The following AP3M2 variants were observed in gnomAD, a reference collection of about 807,000 sequenced individuals.
AP3M2 encodes the protein AP-3 complex subunit mu-2.
Under a neutral mutation model 41.6 loss-of-function variants are expected in AP3M2, and 28 were observed. That is an observed-to-expected ratio of 0.67 (90% confidence interval 0.50 to 0.92). AP3M2 has a LOEUF of 0.92. Ranked by LOEUF, AP3M2 falls within the 40% of genes least tolerant of loss-of-function variation. The pLI, the probability that AP3M2 is intolerant of heterozygous loss-of-function variation, is 0.00. For missense variants in AP3M2, 427 were observed against 521.4 expected (o/e 0.82, Z 1.76); for synonymous variants, 193 against 186.4 (o/e 1.04, Z -0.29).
chr8:42,157,578 CTTT>C (rs1327314638), intron 2 of AP3M2, among the ~76,000 whole-genome samples: 2 of 152,088 alleles, frequency 1.3e-5, no homozygotes, highest in Non-Finnish European at 2.9e-5. Context: ...ATGTACTGTT[CTTT>C]GTTATATCAA....
intron 2 of AP3M2, among the ~76,000 whole-genome samples, chr8:42,156,906 C>G (rs1001313185): frequency 1.3e-5 from 2 of 152,122 alleles, no homozygotes; most frequent in African/African-American, 4.8e-5. Flanking sequence ...AATTGCAGGG[C>G]TGTTATGTAC....
At chr8:42,161,428 G>T (rs1379836815) in intron 3 of AP3M2, among the ~76,000 whole-genome samples, 1 of 152,028 alleles carries the variant, frequency 6.6e-6, no homozygotes, top group Non-Finnish European at 1.5e-5. Flanking sequence ...GGCCAACATA[G>T]TGAAACCCCG....
chr8:42,157,525 A>G (rs969805096), intron 2 of AP3M2, among the ~76,000 whole-genome samples: 4 of 152,214 alleles, frequency 2.6e-5, no homozygotes, highest in Non-Finnish European at 5.9e-5. Flanking sequence ...TATTCACTGC[A>G]TGAATGTTAA....
At chr8:42,167,453 G>A in intron 7 of AP3M2, 82 bp downstream of exon 7, 6 of 1,525,070 alleles carry the variant, frequency 3.9e-6, no homozygotes, top group Non-Finnish European at 3.6e-6. Context: ...TCTAGACCTT[G>A]TTTGGAAGGT....
Position 42,158,048 on chromosome 8 carries a change from G to T in AP3M2, c.381G>T (p.Ser127=), listed in dbSNP as rs776900792. 6.2e-7 allele frequency: 1 copy of T among 1,614,028 alleles called. No individual in the cohort carries two copies. Among genetic ancestry groups the T allele is most frequent in the Non-Finnish European group, 8.5e-7 (1 of 1,179,996 alleles). Residue 127 remains serine, a synonymous_variant, in exon 3 of 9, where the codon TCG becomes TCT. Coordinates refer to ENST00000396926, the MANE Select transcript of AP3M2 (RefSeq NM_006803.4). ...LDNGFPLATE[S]NILKELIKPP... ...ATGGTTTTCCATTGGCTACCGAGTC[G>T]AACATTCTTAAAGAACTCATAAAGC...
At position 42,154,862 on chromosome 8, in the gene AP3M2, G is replaced by A. The variant is rs1211974844; in HGVS notation, c.175G>A (p.Val59Ile). The stretch of plus-strand genomic sequence containing the variant: ...TACCCCTCACCACTATCTCTTAAGT[G>A]TTTACCGCCACAAGATCTTTTTTGT... ...IPTPHHYLLSVYRHKIFFVAV... is the reference protein window; with the variant it reads ...IPTPHHYLLSIYRHKIFFVAV... Residue 59 changes from valine to isoleucine, a missense_variant, in exon 2 of 9, where the codon GTT (valine) becomes ATT (isoleucine). By Grantham distance (29) the Val-to-Ile change is conservative. This residue lies in a region of AP3M2 where 104 missense variants were observed against 93.8 expected (regional missense o/e 1.11). Coordinates refer to ENST00000396926, the MANE Select transcript of AP3M2 (RefSeq NM_006803.4). 6.2e-7 allele frequency: 1 copy of A among 1,613,066 alleles called. No individual in the cohort carries two copies. The highest frequency in any genetic ancestry group is 8.5e-7 in the Non-Finnish European group (1 of 1,179,346).
intron 6 of AP3M2, among the ~76,000 whole-genome samples, chr8:42,166,612 T>TAAAAAAAAAAAAAAAAAAAA (rs1404448805): frequency 1.9e-4 from 16 of 84,270 alleles, no homozygotes; most frequent in Middle Eastern, 6.0e-3. Flanking sequence ...AAAAAAAAAG[T>TAAAAAAAAAAAAAAAAAAAA]AAAAATTAGC....
chr8:42,156,637 T>G (rs921450664), intron 2 of AP3M2, among the ~76,000 whole-genome samples: 11 of 152,220 alleles, frequency 7.2e-5, no homozygotes, highest in African/African-American at 2.7e-4. Context: ...ATGAGAATTT[T>G]CCTCTTAAAG....
chr8:42,166,760 C>T (rs747963712), intron 6 of AP3M2, among the ~76,000 whole-genome samples: 1 of 151,414 alleles, frequency 6.6e-6, no homozygotes, highest in Admixed American at 6.6e-5. Flanking sequence ...GAGCCAGACC[C>T]TATCTCAAAA....
chr8:42,164,866 G>A (rs1292833454), intron 4 of AP3M2, among the ~76,000 whole-genome samples: 1 of 152,098 alleles, frequency 6.6e-6, no homozygotes, highest in Non-Finnish European at 1.5e-5. Flanking sequence ...ATGTGCAGTT[G>A]ATAAGTGTTC....
At chr8:42,155,930 C>T in intron 2 of AP3M2, 1 of 454,308 alleles carries the variant, frequency 2.2e-6, no homozygotes, top group East Asian at 7.0e-5. Flanking sequence ...ACTTCCCTTC[C>T]CAAGAGAATT....
Position 42,158,032 on chromosome 8 carries a change from C to T in AP3M2, c.365C>T (p.Pro122Leu), listed in dbSNP as rs1207061253. The T allele has an allele frequency of 1.9e-6, 3 of 1,614,006 alleles. No individual in the cohort carries two copies. The highest frequency in any genetic ancestry group is 2.5e-6 in the Non-Finnish European group (3 of 1,180,030). ...GAAGAGATGCTTGACAATGGTTTTC[C>T]ATTGGCTACCGAGTCGAACATTCTT... is the stretch of plus-strand genomic sequence containing the variant. ...VLEEMLDNGFPLATESNILKE... is the reference protein window; with the variant it reads ...VLEEMLDNGFLLATESNILKE... The change falls in exon 3 of 9, where the codon CCA becomes CTA. Residue 122 changes from proline (P) to leucine (L), a missense_variant. By Grantham distance (98) the Pro-to-Leu change is moderately conservative. Around this residue, in one of 3 missense-constraint regions of AP3M2, gnomAD observed 86 missense variants for 142.6 expected, o/e 0.60. Coordinates refer to ENST00000396926, the MANE Select transcript of AP3M2 (RefSeq NM_006803.4).
At chr8:42,165,222 T>C in intron 5 of AP3M2, 66 bp downstream of exon 5, 1 of 1,534,310 alleles carries the variant, frequency 6.5e-7, no homozygotes, top group Non-Finnish European at 9.0e-7. Flanking sequence ...AAAGACAGAG[T>C]AGTGGGAATG....
intron 3 of AP3M2, among the ~76,000 whole-genome samples, chr8:42,161,499 C>T (rs1433346974): frequency 1.3e-5 from 2 of 151,898 alleles, no homozygotes; most frequent in Non-Finnish European, 2.9e-5. Flanking sequence ...GTCCCAGCTA[C>T]TCGGGAGGCT....
chr8:42,155,756 T>G (rs1369137602), intron 2 of AP3M2: 1 of 225,164 alleles, frequency 4.4e-6, no homozygotes, highest in Non-Finnish European at 9.1e-6. Context: ...AGCGAGGGCC[T>G]TTTGGTTTAA....
At chr8:42,164,060 G>A (rs1804576887) in intron 4 of AP3M2, among the ~76,000 whole-genome samples, 3 of 152,168 alleles carry the variant, frequency 2.0e-5, no homozygotes, top group South Asian at 4.1e-4. Context: ...AAGGCAGGGA[G>A]CAGCTACGAG....
At chr8:42,168,447 A>G (rs1804700433) in intron 8 of AP3M2, among the ~76,000 whole-genome samples, 2 of 152,222 alleles carry the variant, frequency 1.3e-5, no homozygotes, top group African/African-American at 4.8e-5. Flanking sequence ...AACGGGCCTT[A>G]TACAATTTAA....
At chr8:42,165,292 C>G in intron 5 of AP3M2, 135 bp from the exon 6 acceptor site, 1 of 1,434,868 alleles carries the variant, frequency 7.0e-7, no homozygotes, top group Non-Finnish European at 9.6e-7. Context: ...CTTGAATTTT[C>G]TAGAAGTCAC....
rs150137960 is a variant in AP3M2 at position 42,162,020 on chromosome 8, A to G, written c.446-261A>G. 261 of 290,910 alleles carry G rather than the reference A, an allele frequency of 9.0e-4. 3 individuals carry two copies. The East Asian group carries it at 0.015, about 16-fold the overall frequency. The allele number at this position is 290,910 out of a possible 1,614,324, so 18.0% of individuals were successfully genotyped here. A position where few individuals can be genotyped will look rare whatever the true frequency, so the allele number is the denominator to read the frequency against. ...AGATACTAAGTTCAGGTTACTTTCA[A>G]AACCAAAATATGATATCTGTTTCTC... On this transcript the variant is annotated intron_variant, in intron 3 of 8. Coordinates refer to ENST00000396926, the MANE Select transcript of AP3M2 (RefSeq NM_006803.4).
Sources: gnomAD v4.1 joint callset for allele counts (sites outside exome capture counted in the v4.1 genomes callset) on GRCh38, gnomAD v4.1.1 for gene constraint, gnomAD v4.1.1 regional missense constraint, MANE v1.5 for transcripts, NCBI Gene and HGNC (gene_info 2026-07-23, HGNC 2026-07-21) for gene names.